The following PDS5A variants were observed in gnomAD, a reference collection of about 807,000 sequenced individuals.
PDS5A encodes sister chromatid cohesion protein PDS5 homolog A.
A neutral mutation model predicts 167.1 loss-of-function variants in PDS5A; 42 were observed. That is an observed-to-expected ratio of 0.25 (90% confidence interval 0.20 to 0.33). The LOEUF is 0.33. Ranked by LOEUF, PDS5A falls within the 10% of genes least tolerant of loss-of-function variation. PDS5A has a pLI of 1.00. For synonymous variants in PDS5A, 553 were observed against 554.6 expected (o/e 1.00, Z 0.04); for missense variants, 1,033 against 1,605.9 (o/e 0.64, Z 6.10).
intron 2 of PDS5A, chr4:39,973,853 C>T (rs1256770030): frequency 1.8e-5 from 16 of 893,882 alleles, no homozygotes; most frequent in Non-Finnish European, 2.8e-5. Flanking sequence ...AGACCGGGCG[C>T]GGTGGCTCAC....
Position 39,908,440 on chromosome 4 carries a change from A to T in PDS5A, c.1188T>A (p.Asn396Lys). 6.2e-7 allele frequency: 1 copy of T among 1,612,978 alleles called. No individual in the cohort carries two copies. The highest frequency in any genetic ancestry group is 1.7e-5 in the Admixed American group (1 of 60,020). The change falls in exon 11 of 33, where the codon AAT becomes AAA. Residue 396 changes from asparagine (N) to lysine (K), a missense_variant. Coordinates refer to ENST00000303538, the MANE Select transcript of PDS5A (RefSeq NM_001100399.2). ...TAAKRDLALVNDQLLGFVRER... is the reference protein window; with the variant it reads ...TAAKRDLALVKDQLLGFVRER... ...CCCTTACAAAGCCAAGCAGCTGATCATTTACTAAGGCCAGGTCCCTCTTGG... is the reference window on the plus strand; with the variant it reads ...CCCTTACAAAGCCAAGCAGCTGATCTTTTACTAAGGCCAGGTCCCTCTTGG...
At chr4:39,890,077 A>G (rs1721829193) in intron 17 of PDS5A, among the ~76,000 whole-genome samples, 172 bp downstream of exon 17, 1 of 152,246 alleles carries the variant, frequency 6.6e-6, no homozygotes, top group Non-Finnish European at 1.5e-5. Context: ...ATATAAAGCC[A>G]AAGATCATAA....
intron 32 of PDS5A, among the ~76,000 whole-genome samples, chr4:39,831,906 A>G (rs1715924022): frequency 7.2e-6 from 1 of 138,264 alleles, no homozygotes; most frequent in Admixed American, 7.4e-5. Context: ...AAAAAAAAAG[A>G]ATATTAGGGG....
At chr4:39,883,356 C>T (rs1578663765) in intron 17 of PDS5A, among the ~76,000 whole-genome samples, 1 of 151,906 alleles carries the variant, frequency 6.6e-6, no homozygotes, top group African/African-American at 2.4e-5. Flanking sequence ...AATTTTTGTA[C>T]TTTTAGTAGA....
chr4:39,835,417 C>T (rs1716296192), intron 32 of PDS5A, among the ~76,000 whole-genome samples: 1 of 152,166 alleles, frequency 6.6e-6, no homozygotes, highest in Non-Finnish European at 1.5e-5. Flanking sequence ...TATTGGGGCA[C>T]ATAGTGCAGC....
intron 32 of PDS5A, among the ~76,000 whole-genome samples, chr4:39,828,762 A>C (rs1257327928): frequency 6.6e-6 from 1 of 152,356 alleles, no homozygotes; most frequent in Admixed American, 6.5e-5. Context: ...TCAGATCGAC[A>C]AAAGAGCACC....
In PDS5A at chr4:39,976,542, G is replaced by T. The variant is rs1313199431; in HGVS notation, c.36C>A (p.Ala12=). Residue 12 remains alanine (A), a synonymous_variant, in exon 2 of 33, where the codon GCC becomes GCA. Transcript: ENST00000303538. ...CGTCGGCACTCACGACGCCACAGAG[G>T]GCAGTGGCAGGCTTGGGCTGCGCGG... ...DFTAQPKPAT[A]LCGVVSADGK... 2 of 1,613,142 alleles carry T rather than the reference G, an allele frequency of 1.2e-6. No individual in the cohort carries two copies.
At chr4:39,886,788 G>A (rs1439537431) in intron 17 of PDS5A, among the ~76,000 whole-genome samples, 1 of 150,884 alleles carries the variant, frequency 6.6e-6, no homozygotes, top group Non-Finnish European at 1.5e-5. Flanking sequence ...GTGTGTTTCC[G>A]TTAATTTCCT....
rs868733008 is a variant in PDS5A, at chr4:39,920,858, G to A, written c.655-459C>T. 2.6e-5 allele frequency among the ~76,000 whole-genome samples: 4 copies of A among 152,094 alleles called. No homozygotes were observed. In the East Asian group the frequency reaches 5.8e-4, roughly 22 times the overall value. On this transcript the variant is annotated intron_variant, in intron 6 of 32. Transcript: ENST00000303538. ...CTGGTAAGCGTTTCAAATAAAAAGCGTTCTTGATCAATTGTATTTTTGAAA... is the reference window on the plus strand; with the variant it reads ...CTGGTAAGCGTTTCAAATAAAAAGCATTCTTGATCAATTGTATTTTTGAAA...
intron 11 of PDS5A, among the ~76,000 whole-genome samples, chr4:39,906,927 A>C (rs376419503): frequency 2.4e-4 from 36 of 148,924 alleles, no homozygotes; most frequent in African/African-American, 8.6e-4. Context: ...TAAAAAAAAA[A>C]AAAAAAAAAA....
chr4:39,839,289 C>T (rs553073372), intron 31 of PDS5A, among the ~76,000 whole-genome samples: 3 of 151,684 alleles, frequency 2.0e-5, no homozygotes, highest in South Asian at 2.1e-4. Context: ...AATGTAACGT[C>T]GGGCGGGCAT....
intron 32 of PDS5A, among the ~76,000 whole-genome samples, chr4:39,835,361 T>C (rs1327405463): frequency 1.3e-5 from 2 of 152,248 alleles, no homozygotes; most frequent in Non-Finnish European, 2.9e-5. Context: ...AGATCTGTAA[T>C]GTGCCTTTTC....
intron 21 of PDS5A, among the ~76,000 whole-genome samples, chr4:39,871,815 T>C (rs962871742): frequency 6.6e-6 from 1 of 152,144 alleles, no homozygotes; most frequent in Non-Finnish European, 1.5e-5. Context: ...GCGATTCTCC[T>C]GCCTCAGCCT....
At chr4:39,920,091 A>C (rs1454469000) in intron 7 of PDS5A, among the ~76,000 whole-genome samples, 1 of 152,140 alleles carries the variant, frequency 6.6e-6, no homozygotes, top group Non-Finnish European at 1.5e-5. Context: ...ACATAAATAC[A>C]AATGCAGATA....
At chr4:39,967,846 C>T (rs1730129467) in intron 2 of PDS5A, among the ~76,000 whole-genome samples, 1 of 151,474 alleles carries the variant, frequency 6.6e-6, no homozygotes, top group South Asian at 2.1e-4. Flanking sequence ...GTAGTCCCAG[C>T]TACTCAGGAG....
At chr4:39,849,453 A>AAAAAACC in intron 27 of PDS5A, 67 bp downstream of exon 27, 1 of 1,163,538 alleles carries the variant, frequency 8.6e-7, no homozygotes. Context: ...AAAAAAAAAA[A>AAAAAACC]AAACCAAGTG....
intron 32 of PDS5A, among the ~76,000 whole-genome samples, chr4:39,833,899 T>C (rs1415081658): frequency 2.0e-5 from 3 of 152,206 alleles, no homozygotes; most frequent in African/African-American, 7.2e-5. Flanking sequence ...ACTCAATGGC[T>C]GTTAAAACCC....
chr4:39,832,672 C>T (rs1336736864), intron 32 of PDS5A, among the ~76,000 whole-genome samples: 1 of 151,944 alleles, frequency 6.6e-6, no homozygotes, highest in African/African-American at 2.4e-5. Context: ...CCAGCCTGGG[C>T]AATACAGCAA....
At chr4:39,930,250 T>TG (rs1553903852) in intron 2 of PDS5A, among the ~76,000 whole-genome samples, 6 of 109,800 alleles carry the variant, frequency 5.5e-5, no homozygotes, top group South Asian at 3.3e-4. Context: ...AAAAAAAGTT[T>TG]TTTTGTTTTT....
Sources: gnomAD v4.1 joint callset for allele counts (sites outside exome capture counted in the v4.1 genomes callset) on GRCh38, gnomAD v4.1.1 for gene constraint, MANE v1.5 for transcripts, NCBI Gene and HGNC (gene_info 2026-07-23, HGNC 2026-07-21) for gene names.